The following SEMA4B variants were observed in gnomAD, a reference collection of about 807,000 sequenced individuals.
SEMA4B encodes the protein semaphorin 4B, also known as semaphorin-4B.
A neutral mutation model predicts 88.1 loss-of-function variants in SEMA4B; 55 were observed. The observed-to-expected ratio is 0.62, with a 90% CI of 0.50 to 0.78. The LOEUF (loss-of-function observed/expected upper bound fraction) is 0.78, where lower values mean the gene tolerates loss of function less well. Ranked by LOEUF, SEMA4B falls within the 30% of genes least tolerant of loss-of-function variation. SEMA4B has a pLI of 0.00. For synonymous variants in SEMA4B, 525 were observed against 473.6 expected (o/e 1.11, Z -1.41); for missense variants, 1,062 against 1,111.9 (o/e 0.96, Z 0.64).
rs908044 is a variant in SEMA4B at position 90,225,727 on chromosome 15, A to T, written c.1588A>T (p.Arg530Trp). 16 of 1,571,008 alleles carry T rather than the reference A, an allele frequency of 1.0e-5. No homozygotes were observed. Among genetic ancestry groups the T allele is most frequent in the African/African-American group, 1.4e-5 (1 of 73,428 alleles). ...QVPMANCSLY[R>W]SCGDCLLARD... The stretch of plus-strand genomic sequence containing the variant: ...GCCCATGGCCAACTGCAGCCTGTAC[A>T]GGAGCTGTGGGGACTGCCTCCTCGC... The change falls in exon 12 of 14, where the codon AGG becomes TGG. Residue 530 changes from arginine (R) to tryptophan (W), a missense_variant. Arg to Trp is a moderately radical substitution (Grantham distance 101, BLOSUM62 -3). Transcript: ENST00000411539.
At chr15:90,198,248 TA>T (rs1279979060), upstream of SEMA4B, among the ~76,000 whole-genome samples, 9 of 151,848 alleles carry the variant, frequency 5.9e-5, no homozygotes, top group Non-Finnish European at 1.2e-4. Context: ...AAAGTTGATA[TA>T]AAAAAAATAG....
At chr15:90,189,988 A>G (rs1382099449) in intron 1 of SEMA4B, among the ~76,000 whole-genome samples, 1 of 152,192 alleles carries the variant, frequency 6.6e-6, no homozygotes, top group Non-Finnish European at 1.5e-5. Context: ...CCAAAAGATG[A>G]GACGGCTAGA....
chr15:90,203,122 G>A (rs1960825349), intron 1 of SEMA4B, among the ~76,000 whole-genome samples: 1 of 152,236 alleles, frequency 6.6e-6, no homozygotes, highest in Non-Finnish European at 1.5e-5. Flanking sequence ...CGTTAGGACA[G>A]GGCCTGGTAC....
chr15:90,190,128 T>G (rs186051952), intron 1 of SEMA4B, among the ~76,000 whole-genome samples: 1 of 152,290 alleles, frequency 6.6e-6, no homozygotes, highest in Non-Finnish European at 1.5e-5. Flanking sequence ...CGGACCCTCA[T>G]TCACAGTGCA....
At chr15:90,198,229 T>C (rs1485400921), upstream of SEMA4B, among the ~76,000 whole-genome samples, 2 of 152,152 alleles carry the variant, frequency 1.3e-5, no homozygotes, top group Non-Finnish European at 2.9e-5. Flanking sequence ...TAAAACTCTT[T>C]ATTGGACCAA....
At chr15:90,218,041 G>T in intron 3 of SEMA4B, 1 of 521,070 alleles carries the variant, frequency 1.9e-6, no homozygotes, top group East Asian at 3.3e-5. Flanking sequence ...CTAAGCCTTA[G>T]TGGGCCCACC....
chr15:90,228,378 AG>A lies in SEMA4B; in HGVS notation c.2254del (p.Glu752AsnfsTer24). On this transcript the variant is annotated frameshift_variant, in exon 14 of 14. Transcript: ENST00000411539. LOFTEE classifies it high-confidence loss of function. Reference protein sequence around the residue: ...HRNSMKVFLKQGECASVHPKT... With the variant: ...HRNSMKVFLKXGECASVHPKT... ...AACAGCATGAAAGTCTTCCTGAAGC[AG>A]GGGGAATGTGCCAGCGTGCACCCCA... The A allele has an allele frequency of 1.9e-6, 3 of 1,599,764 alleles. No homozygotes were observed. Among genetic ancestry groups the A allele is most frequent in the Admixed American group, 1.7e-5 (1 of 58,310 alleles).
At position 90,225,490 on chromosome 15, in the gene SEMA4B, T is replaced by G. The variant is rs186808432; in HGVS notation, c.1521+93T>G. ...CCCACCCAGCTTCTCCTCCCTTGCC[T>G]CAGGAGGATGGAAAGATAAAGGATC... On this transcript the variant is annotated intron_variant, in intron 11 of 13. Transcript: ENST00000411539. 3.2e-5 allele frequency: 43 copies of G among 1,332,640 alleles called. No homozygotes were observed. The Admixed American group carries it at 5.8e-4, about 18-fold the overall frequency. The allele number at this position is 1,332,640 out of a possible 1,614,324, so 82.6% of individuals were successfully genotyped here.
Position 90,228,246 on chromosome 15 carries a change from C to A in SEMA4B, c.2117C>A (p.Ala706Asp). 1 of 1,598,506 alleles carries A rather than the reference C, an allele frequency of 6.3e-7. No homozygotes were observed. The highest frequency in any genetic ancestry group is 1.7e-5 in the Admixed American group (1 of 58,850). The change falls in exon 14 of 14, where the codon GCC becomes GAC. Residue 706 changes from alanine to aspartate, a missense_variant. Ala to Asp is a moderately radical substitution (Grantham distance 126). Coordinates refer to ENST00000411539, the MANE Select transcript of SEMA4B (RefSeq NM_198925.4). ...SRVSAPAGGK[A>D]SWGADRSYWK... ...GTGAGTGCACCAGCTGGTGGCAAGG[C>A]CAGCTGGGGTGCAGACAGGTCCTAC... is the stretch of plus-strand genomic sequence containing the variant.
In SEMA4B at chr15:90,217,482, C is replaced by T. The variant is rs753763402; in HGVS notation, c.201C>T (p.Ile67=). 6.2e-7 allele frequency: 1 copy of T among 1,613,936 alleles called. No homozygotes were observed. Among genetic ancestry groups the T allele is most frequent in the Non-Finnish European group, 8.5e-7 (1 of 1,179,854 alleles). Residue 67 remains isoleucine (I), a synonymous_variant, in exon 2 of 14, where the codon ATC becomes ATT. Coordinates refer to ENST00000411539, the MANE Select transcript of SEMA4B (RefSeq NM_198925.4). ...TCCTCAGATTCGAAGCTGAACACAT[C>T]TCCAACTACACAGCCCTTCTGCTGA... ...RPFLRFEAEH[I]SNYTALLLSR...
intron 1 of SEMA4B, among the ~76,000 whole-genome samples, chr15:90,214,655 G>T (rs955095138): frequency 1.0e-5 from 1 of 99,438 alleles, no homozygotes; most frequent in African/African-American, 4.0e-5. Context: ...AAAAAAAAAA[G>T]GCTGAGCTTC....
At position 90,223,657 on chromosome 15, in the gene SEMA4B, C is replaced by T. The variant is rs769733929; in HGVS notation, c.960C>T (p.Asn320=). Reference sequence around the variant, plus strand: ...GGCCCGACGATGGCTTCCCCTTCAACGTGCTGCAGGATGTCTTCACGCTGA... The same window carrying T: ...GGCCCGACGATGGCTTCCCCTTCAATGTGCTGCAGGATGTCTTCACGCTGA... ...CSRPDDGFPF[N]VLQDVFTLSP... Residue 320 remains asparagine, a synonymous_variant, in exon 8 of 14, where the codon AAC becomes AAT. Coordinates refer to ENST00000411539, the MANE Select transcript of SEMA4B (RefSeq NM_198925.4). The T allele has an allele frequency of 1.6e-5, 26 of 1,613,396 alleles. No individual in the cohort carries two copies. The highest frequency in any genetic ancestry group is 4.5e-5 in the East Asian group (2 of 44,868).
chr15:90,213,054 A>G (rs1961352350), intron 1 of SEMA4B, among the ~76,000 whole-genome samples: 1 of 152,200 alleles, frequency 6.6e-6, no homozygotes, highest in Admixed American at 6.5e-5. Context: ...ACCATGCCAC[A>G]CTGCAAACCA....
At chr15:90,188,983 CT>C in intron 1 of SEMA4B, among the ~76,000 whole-genome samples, 1 of 152,238 alleles carries the variant, frequency 6.6e-6, no homozygotes, top group African/African-American at 2.4e-5. Context: ...TGAATATTCT[CT>C]GAAAGAACAG....
At chr15:90,222,240 A>AT (rs1159789107) in intron 7 of SEMA4B, among the ~76,000 whole-genome samples, 2 of 140,466 alleles carry the variant, frequency 1.4e-5, no homozygotes, top group East Asian at 4.5e-4. Flanking sequence ...GCACCCAGCC[A>AT]TTTTTTTTCT....
At chr15:90,225,855 TCTGTCCAGCCCTGC>T in intron 12 of SEMA4B, 28 bp downstream of exon 12, 1 of 1,489,124 alleles carries the variant, frequency 6.7e-7, no homozygotes, top group Admixed American at 2.1e-5. Flanking sequence ...CCCCTTCCCA[TCTGTCCAGCCCTGC>T]ACAGGTGACC....
chr15:90,204,632 G>A (rs747563330), intron 1 of SEMA4B, among the ~76,000 whole-genome samples: 6 of 152,132 alleles, frequency 3.9e-5, no homozygotes, highest in Non-Finnish European at 5.9e-5. Flanking sequence ...CCAAAGCCTC[G>A]GTCAGGAGCA....
At chr15:90,222,813 A>G (rs1433805582) in intron 7 of SEMA4B, among the ~76,000 whole-genome samples, 1 of 152,000 alleles carries the variant, frequency 6.6e-6, no homozygotes, top group Non-Finnish European at 1.5e-5. Flanking sequence ...CAAAGCTCTT[A>G]GAAATGTGGT....
chr15:90,227,222 A>T (rs28780973), intron 12 of SEMA4B: 10 of 246,584 alleles, frequency 4.1e-5, no homozygotes, highest in Non-Finnish European at 7.9e-5. Context: ...TAATTTTTCT[A>T]TTTTTTGTAG....
Sources: gnomAD v4.1 joint callset for allele counts (sites outside exome capture counted in the v4.1 genomes callset) on GRCh38, gnomAD v4.1.1 for gene constraint, MANE v1.5 for transcripts, NCBI Gene and HGNC (gene_info 2026-07-23, HGNC 2026-07-21) for gene names.